The following CDKL5 variants were observed in gnomAD, a reference collection of about 807,000 sequenced individuals.
CDKL5 encodes the protein cyclin dependent kinase like 5.
In CDKL5, 8 loss-of-function variants were observed where a neutral mutation model predicts 61.7. The observed-to-expected ratio is 0.13, with a 90% confidence interval of 0.08 to 0.23. The LOEUF is 0.23. CDKL5 is among the 10% of genes least tolerant of loss of function. CDKL5 has a pLI of 1.00. For missense variants in CDKL5, 440 were observed against 734.5 expected (o/e 0.60, Z 4.63); for synonymous variants, 275 against 272.3 (o/e 1.01, Z -0.10).
At chrX:18,646,753 C>T (rs1281655608) in intron 20 of CDKL5, among the ~76,000 whole-genome samples, 1 of 111,238 alleles carries the variant, frequency 9.0e-6, no homozygotes, top group Non-Finnish European at 1.9e-5. Flanking sequence ...ACCTGCTGTA[C>T]CCCACGCCTC....
In CDKL5 at chrX:18,649,745, ATTCT is replaced by A. The variant is rs746607088; in HGVS notation, c.2798-660_2798-657del. Among the ~76,000 whole-genome samples the A allele has an allele frequency of 1.2e-4, 13 of 112,150 alleles. No individual in the cohort carries two copies. The South Asian group carries it at 4.4e-3, about 38-fold the overall frequency. The stretch of plus-strand genomic sequence containing the variant: ...AAAACCTTGGCCTGCCAGGGAAGAC[ATTCT>A]TTCTGTGGGCTGGGGATCCCGAGGA... On this transcript the variant is annotated intron_variant, in intron 20 of 21. Transcript: ENST00000379989.
At chrX:18,547,794 C>G (rs1924251000) in intron 3 of CDKL5, among the ~76,000 whole-genome samples, 1 of 111,887 alleles carries the variant, frequency 8.9e-6, no homozygotes, top group South Asian at 3.7e-4. Flanking sequence ...ATGCTAGATA[C>G]TTGGATGTAA....
At chrX:18,520,622 C>T (rs1467052012) in intron 3 of CDKL5, among the ~76,000 whole-genome samples, 1 of 111,975 alleles carries the variant, frequency 8.9e-6, no homozygotes, top group African/African-American at 3.2e-5. Context: ...GTGGAAATGC[C>T]ATGTTTAATT....
intron 14 of CDKL5, among the ~76,000 whole-genome samples, chrX:18,612,684 A>T (rs964004976): frequency 1.0e-4 from 11 of 109,398 alleles, no homozygotes; most frequent in African/African-American, 2.3e-4. Flanking sequence ...AGAGAAAAAA[A>T]ATATAATGTT....
At chrX:18,429,042 A>G (rs1029112607) in intron 1 of CDKL5, among the ~76,000 whole-genome samples, 3 of 111,018 alleles carry the variant, frequency 2.7e-5, no homozygotes, top group Admixed American at 9.7e-5. Flanking sequence ...GACTGAATTA[A>G]TCAAAGATCT....
At chrX:18,592,578 G>A (rs1255392373) in intron 9 of CDKL5, among the ~76,000 whole-genome samples, 1 of 112,093 alleles carries the variant, frequency 8.9e-6, no homozygotes, top group African/African-American at 3.2e-5. Context: ...ATCCTTCAGG[G>A]AAATTGCTGC....
intron 1 of CDKL5, among the ~76,000 whole-genome samples, chrX:18,442,865 C>T (rs1931785588): frequency 8.9e-6 from 1 of 111,901 alleles, no homozygotes; most frequent in African/African-American, 3.2e-5. Context: ...TCTCTTATTC[C>T]AGGGTTTAAG....
intron 1 of CDKL5, among the ~76,000 whole-genome samples, chrX:18,437,145 T>G (rs1271404635): frequency 9.0e-6 from 1 of 111,180 alleles, no homozygotes; most frequent in African/African-American, 3.3e-5. Context: ...ACCTTGGTAA[T>G]TTACCAGAAA....
At chrX:18,506,755 A>G (rs572650331) in intron 1 of CDKL5, among the ~76,000 whole-genome samples, 180 bp from the exon 2 acceptor site, 2 of 112,151 alleles carry the variant, frequency 1.8e-5, no homozygotes, top group African/African-American at 6.5e-5. Flanking sequence ...AGAGAGGTTC[A>G]TTTGTTTGTA....
chrX:18,547,879 G>A (rs778192912), intron 3 of CDKL5, among the ~76,000 whole-genome samples: 6 of 112,187 alleles, frequency 5.3e-5, no homozygotes, highest in Non-Finnish European at 1.1e-4. Context: ...AGGATTTTTA[G>A]CAAAGCAATT....
At chrX:18,551,844 C>T (rs1018573817) in intron 3 of CDKL5, among the ~76,000 whole-genome samples, 2 of 108,423 alleles carry the variant, frequency 1.8e-5, no homozygotes, top group East Asian at 2.9e-4. Context: ...TTGCCTGCCT[C>T]GGCCTCCAAA....
Position 18,564,526 on chromosome X carries a change from G to GATATATAT in CDKL5, c.145+21_145+28dup. ...AAGAAATTCAAGGACAGTGAAGGTAGATATATATATATATATATATATATC... is the reference window on the plus strand; with the variant it reads ...AAGAAATTCAAGGACAGTGAAGGTAGATATATATATATATATATATATATATATATATC... On this transcript the variant is annotated splice_donor_region_variant and intron_variant, in intron 4 of 17. Transcript: ENST00000623535. 1 of 608,133 alleles carries GATATATAT rather than the reference G, an allele frequency of 1.6e-6. No individual in the cohort carries two copies. Among genetic ancestry groups the GATATATAT allele is most frequent in the Non-Finnish European group, 2.5e-6 (1 of 406,234 alleles). The allele number at this position is 608,133 out of a possible 1,213,427, so 50.1% of individuals were successfully genotyped here.
chrX:18,512,500 A>G (rs1602233882), intron 3 of CDKL5, among the ~76,000 whole-genome samples: 1 of 111,315 alleles, frequency 9.0e-6, no homozygotes, highest in East Asian at 2.8e-4. Context: ...TTTTGTGTTT[A>G]GATCACAGAT....
chrX:18,633,129 T>A lies in CDKL5; in HGVS notation c.*4372T>A, dbSNP rs1035856542. 6.6e-6 allele frequency: 5 copies of A among 752,485 alleles called. No individual in the cohort carries two copies. The African/African-American group carries it at 9.3e-5, about 14-fold the overall frequency. The allele number at this position is 752,485 out of a possible 1,213,427, so 62.0% of individuals were successfully genotyped here. A position where few individuals can be genotyped will look rare whatever the true frequency, so the allele number is the denominator to read the frequency against. ...GTCAGAACATGTTTCCTGGAGAGCA[T>A]TGCTTTTCTATCTAGAAGTTCGTTA... On this transcript the variant is annotated 3_prime_UTR_variant, in exon 18 of 18. Transcript: ENST00000623535.
At chrX:18,642,104 G>A (rs61753175), downstream of CDKL5, 1 of 1,211,421 alleles carries the variant, frequency 8.3e-7, no homozygotes, top group Non-Finnish European at 1.1e-6. Context: ...GATGATGGGG[G>A]GCCGCAGCAG....
At chrX:18,445,089 T>G (rs1931843097) in intron 1 of CDKL5, among the ~76,000 whole-genome samples, 1 of 106,563 alleles carries the variant, frequency 9.4e-6, no homozygotes. Flanking sequence ...TTTTTTTTTT[T>G]TTTTTTGAGA....
intron 5 of CDKL5, among the ~76,000 whole-genome samples, chrX:18,576,682 C>A (rs139676417): frequency 0.021 from 2,353 of 110,309 alleles, 51 homozygotes; most frequent in African/African-American, 0.061. Context: ...ACGGTACTAG[C>A]AGGTTGTTTG....
intron 16 of CDKL5, among the ~76,000 whole-genome samples, chrX:18,621,375 A>G (rs1926884165): frequency 8.9e-6 from 1 of 112,039 alleles, no homozygotes; most frequent in Non-Finnish European, 1.9e-5. Context: ...TGCTTGTTAA[A>G]TTTATGTATT....
In CDKL5 at chrX:18,634,135, C is replaced by T. The variant is rs1313714825; in HGVS notation, c.*5378C>T. On this transcript the variant is annotated 3_prime_UTR_variant, in exon 18 of 18. Coordinates refer to ENST00000623535, the MANE Select transcript of CDKL5 (RefSeq NM_001323289.2). ...CCTCCTTTGGAATCTGAAAATCGGTCTCCATGTTGTATGCAGATTAGAAGT... is the reference window on the plus strand; with the variant it reads ...CCTCCTTTGGAATCTGAAAATCGGTTTCCATGTTGTATGCAGATTAGAAGT... 1 of 751,852 alleles carries T rather than the reference C, an allele frequency of 1.3e-6. No individual in the cohort carries two copies. The highest frequency in any genetic ancestry group is 1.6e-6 in the Non-Finnish European group (1 of 638,723). 62.0% of individuals were successfully genotyped at this position (751,852 alleles called of 1,213,427 possible).
Sources: allele counts gnomAD v4.1 joint callset (sites outside exome capture counted in the v4.1 genomes callset), GRCh38; gene constraint gnomAD v4.1.1; transcripts MANE v1.5; gene names NCBI Gene and HGNC (gene_info 2026-07-23, HGNC 2026-07-21).